The following CELA1 variants were observed in gnomAD, a reference collection of about 807,000 sequenced individuals.
The protein encoded by CELA1 is chymotrypsin like elastase 1.
A neutral mutation model predicts 34.8 loss-of-function variants in CELA1; 28 were observed. The observed-to-expected ratio is 0.80, with a 90% confidence interval of 0.60 to 1.10. CELA1 has a LOEUF of 1.10. Among genes scored for constraint, CELA1 ranks in the 50% least tolerant of loss-of-function variants. CELA1 has a pLI of 0.00. For missense variants in CELA1, 288 were observed against 327.5 expected (o/e 0.88, Z 0.93); for synonymous variants, 140 against 129.8 (o/e 1.08, Z -0.53).
In CELA1 at chr12:51,328,593, A is replaced by T; in HGVS notation, c.761T>A (p.Val254Asp). 6.2e-7 allele frequency: 1 copy of T among 1,614,070 alleles called. No individual in the cohort carries two copies. Among genetic ancestry groups the T allele is most frequent in the Non-Finnish European group, 8.5e-7 (1 of 1,179,984 alleles). ...VSAYISWINN[V>D]IASN ...GGAAAATGTTCAGTTGGAGGCGATGACCTGAAGGAAAGACAGTTATGTCCA... is the reference window on the plus strand; with the variant it reads ...GGAAAATGTTCAGTTGGAGGCGATGTCCTGAAGGAAAGACAGTTATGTCCA... The change falls in exon 8 of 8, where the codon GTC (valine) becomes GAC (aspartate). Residue 254 changes from valine to aspartate, a missense_variant and splice_region_variant. Coordinates refer to ENST00000293636, the MANE Select transcript of CELA1 (RefSeq NM_001971.6).
chr12:51,343,779 C>T lies in CELA1; in HGVS notation c.174G>A (p.Val58=). 2 of 1,609,116 alleles carry T rather than the reference C, an allele frequency of 1.2e-6. No individual in the cohort carries two copies. Among genetic ancestry groups the T allele is most frequent in the Non-Finnish European group, 1.7e-6 (2 of 1,175,954 alleles). Residue 58 remains valine, a synonymous_variant, in exon 3 of 8, where the codon GTG becomes GTA. Coordinates refer to ENST00000293636, the MANE Select transcript of CELA1 (RefSeq NM_001971.6). ...AATCCACGCAGTGAGCAGCTGTCAT[C>T]ACCCAGTTCTGTCTGATAAGGGTCC... ...CGGTLIRQNW[V]MTAAHCVDYQ... is the part of the protein sequence containing the mutation.
At chr12:51,336,556 G>A (rs1461242736) in intron 6 of CELA1, among the ~76,000 whole-genome samples, 2 of 152,226 alleles carry the variant, frequency 1.3e-5, no homozygotes, top group Non-Finnish European at 2.9e-5. Context: ...GAGCCCGTGA[G>A]ACAGAGGGGG....
At chr12:51,342,820 T>G (rs1211281631) in intron 3 of CELA1, 120 bp from the exon 4 acceptor site, 1 of 1,224,538 alleles carries the variant, frequency 8.2e-7, no homozygotes, top group African/African-American at 1.5e-5. Context: ...AAATTTTTTT[T>G]TTTTTTTAGA....
chr12:51,338,953 A>AAAT (rs1048166141), intron 6 of CELA1, among the ~76,000 whole-genome samples: 20 of 152,098 alleles, frequency 1.3e-4, no homozygotes, highest in African/African-American at 4.8e-4. Context: ...CTCTATATTA[A>AAAT]AATAATAATA....
chr12:51,336,599 C>G (rs1332383505), intron 6 of CELA1, among the ~76,000 whole-genome samples: 2 of 152,200 alleles, frequency 1.3e-5, no homozygotes, highest in African/African-American at 4.8e-5. Context: ...TGCACTCCAG[C>G]CTGGGTGAGA....
intron 6 of CELA1, among the ~76,000 whole-genome samples, chr12:51,338,320 ATAG>A (rs1272168978): frequency 1.5e-4 from 23 of 151,110 alleles, no homozygotes; most frequent in African/African-American, 4.1e-4. Flanking sequence ...ATATATATAT[ATAG>A]AAATCAAAAT....
chr12:51,336,016 G>C (rs1259693209), intron 6 of CELA1, among the ~76,000 whole-genome samples: 1 of 152,090 alleles, frequency 6.6e-6, no homozygotes, highest in African/African-American at 2.4e-5. Context: ...AACTGCTCTT[G>C]CCAAGGTTAC....
intron 4 of CELA1, among the ~76,000 whole-genome samples, chr12:51,342,071 ACT>A (rs1292162280): frequency 6.6e-6 from 1 of 151,890 alleles, no homozygotes; most frequent in Non-Finnish European, 1.5e-5. Context: ...ACAGAGTCTC[ACT>A]CTGTCACCCA....
intron 6 of CELA1, among the ~76,000 whole-genome samples, chr12:51,330,492 G>A (rs1287760703): frequency 2.0e-5 from 3 of 152,134 alleles, no homozygotes; most frequent in African/African-American, 7.2e-5. Flanking sequence ...CAAGAGGAAA[G>A]ACCTAAAGAT....
intron 5 of CELA1, 111 bp from the exon 6 acceptor site, chr12:51,340,116 A>G: frequency 1.1e-6 from 1 of 899,636 alleles, no homozygotes; most frequent in Non-Finnish European, 1.7e-6. Context: ...CTCAGGGCAA[A>G]CTCCTTCTCT....
chr12:51,342,811 AAT>A lies in CELA1; in HGVS notation c.201-113_201-112del. 7.1e-6 allele frequency: 9 copies of A among 1,274,032 alleles called. No individual in the cohort carries two copies. In the Admixed American group the frequency reaches 9.3e-5, roughly 13 times the overall value. 78.9% of individuals were successfully genotyped at this position (1,274,032 alleles called of 1,614,324 possible). On this transcript the variant is annotated intron_variant, in intron 3 of 7. Transcript: ENST00000293636. ...TTTTTTTAATCATTATTATTTAGGA[AAT>A]TTTTTTTTTTTTTTAGAGATGGGGT...
intron 6 of CELA1, among the ~76,000 whole-genome samples, chr12:51,333,976 A>G (rs1004509380): frequency 1.3e-5 from 2 of 152,192 alleles, no homozygotes; most frequent in African/African-American, 4.8e-5. Flanking sequence ...AAAAGAAATC[A>G]GTGGGGATGG....
intron 7 of CELA1, among the ~76,000 whole-genome samples, chr12:51,329,354 C>T (rs1372461454): frequency 6.6e-6 from 1 of 151,626 alleles, no homozygotes; most frequent in Non-Finnish European, 1.5e-5. Flanking sequence ...CCTAGGAGTA[C>T]GCAGGCCTTT....
At chr12:51,336,836 T>C (rs1946501955) in intron 6 of CELA1, among the ~76,000 whole-genome samples, 1 of 152,184 alleles carries the variant, frequency 6.6e-6, no homozygotes, top group Non-Finnish European at 1.5e-5. Context: ...CCTCCTCCGG[T>C]TCCTATCACC....
intron 6 of CELA1, among the ~76,000 whole-genome samples, chr12:51,333,832 A>T (rs573516020): frequency 6.6e-6 from 1 of 152,350 alleles, no homozygotes; most frequent in South Asian, 2.1e-4. Flanking sequence ...AGAGTATTTC[A>T]GGGGCTAGAG....
At chr12:51,335,426 T>G (rs1044085501) in intron 6 of CELA1, among the ~76,000 whole-genome samples, 28 of 151,888 alleles carry the variant, frequency 1.8e-4, no homozygotes, top group Non-Finnish European at 4.1e-4. Flanking sequence ...CTGGCTACTT[T>G]TTTGTATTTT....
intron 6 of CELA1, among the ~76,000 whole-genome samples, chr12:51,334,765 C>G (rs901805101): frequency 6.6e-6 from 1 of 152,144 alleles, no homozygotes; most frequent in South Asian, 2.1e-4. Context: ...TTTCAGCCAG[C>G]CTGCCAGCTT....
Position 51,341,357 on chromosome 12 carries a change from A to T in CELA1, c.350T>A (p.Leu117Gln). 1 of 1,614,182 alleles carries T rather than the reference A, an allele frequency of 6.2e-7. No individual in the cohort carries two copies. The highest frequency in any genetic ancestry group is 8.5e-7 in the Non-Finnish European group (1 of 1,180,034). ...GCTATTGAGGGTAACGCTCTGGGCCAGGCGCAGCAGGGCGATGTCATAGCT... is the reference window on the plus strand; with the variant it reads ...GCTATTGAGGGTAACGCTCTGGGCCTGGCGCAGCAGGGCGATGTCATAGCT... ...AAGYDIALLR[L>Q]AQSVTLNSYV... The change falls in exon 5 of 8, where the codon CTG (leucine) becomes CAG (glutamine). Residue 117 changes from leucine to glutamine, a missense_variant. By Grantham distance (113) the Leu-to-Gln change is moderately radical. Coordinates refer to ENST00000293636, the MANE Select transcript of CELA1 (RefSeq NM_001971.6).
chr12:51,333,559 A>G (rs951099083), intron 6 of CELA1, among the ~76,000 whole-genome samples: 4 of 151,820 alleles, frequency 2.6e-5, no homozygotes, highest in Non-Finnish European at 5.9e-5. Flanking sequence ...CGCCCGGCTA[A>G]TTTTTTAAAT....
Sources: allele counts gnomAD v4.1 joint callset (sites outside exome capture counted in the v4.1 genomes callset), GRCh38; gene constraint gnomAD v4.1.1; transcripts MANE v1.5; gene names NCBI Gene and HGNC (gene_info 2026-07-23, HGNC 2026-07-21).